ATP13A4: variants seen among roughly 807,000 people sequenced by gnomAD.
ATP13A4 encodes the protein ATPase 13A4, also known as probable cation-transporting ATPase 13A4.
In ATP13A4, 114 loss-of-function variants were observed where a neutral mutation model predicts 142.5. That is an observed-to-expected ratio of 0.80 (90% CI 0.69 to 0.93). The LOEUF is 0.93. ATP13A4 is among the 40% of genes least tolerant of loss of function. The probability of loss-of-function intolerance (pLI) is 0.00; values close to 1 mark genes in which losing one functional copy is unlikely to be tolerated. For synonymous variants in ATP13A4, 488 were observed against 514.8 expected, an observed-to-expected ratio of 0.95 and a Z score of 0.70; for missense variants, 1,392 against 1,454.0, an observed-to-expected ratio of 0.96 and a Z score of 0.69.
At chr3:193,463,247 G>T (rs1308653480) in intron 12 of ATP13A4, among the ~76,000 whole-genome samples, 1 of 151,988 alleles carries the variant, frequency 6.6e-6, no homozygotes, top group Non-Finnish European at 1.5e-5. Flanking sequence ...CAACTTCAGA[G>T]GATTGTTTTG....
intron 23 of ATP13A4, among the ~76,000 whole-genome samples, chr3:193,437,402 C>A (rs1716350292): frequency 6.6e-6 from 1 of 152,100 alleles, no homozygotes; most frequent in South Asian, 2.1e-4. Flanking sequence ...TGCCTACTCA[C>A]TAAAGATTTG....
intron 28 of ATP13A4, among the ~76,000 whole-genome samples, chr3:193,407,826 C>T (rs935930142): frequency 7.2e-5 from 11 of 152,204 alleles, no homozygotes; most frequent in Non-Finnish European, 1.5e-4. Flanking sequence ...CCATGTCAAA[C>T]CTTCACAACT....
intron 2 of ATP13A4, among the ~76,000 whole-genome samples, chr3:193,514,324 A>G (rs577080580): frequency 6.6e-6 from 1 of 152,302 alleles, no homozygotes; most frequent in Admixed American, 6.5e-5. Context: ...TATAAGTGAC[A>G]ACATGCGGTA....
chr3:193,471,153 G>GA lies in ATP13A4; in HGVS notation c.809-161dup, dbSNP rs1310030148. Among the ~76,000 whole-genome samples, 6 of 151,486 alleles carry GA rather than the reference G, an allele frequency of 4.0e-5. No individual in the cohort carries two copies. The South Asian group carries it at 1.0e-3, about 26-fold the overall frequency. ...TTGATTCAAAATTTGAAAACAAAAA[G>GA]AAAAAAATGTAACAAATTAGACTAC... On this transcript the variant is annotated intron_variant, in intron 8 of 29. Transcript: ENST00000342695.
intron 8 of ATP13A4, among the ~76,000 whole-genome samples, chr3:193,479,067 T>C (rs1397639881): frequency 1.3e-5 from 2 of 152,040 alleles, no homozygotes; most frequent in Non-Finnish European, 2.9e-5. Flanking sequence ...AAATCCAGCA[T>C]CCCTTTATTA....
intron 1 of ATP13A4, among the ~76,000 whole-genome samples, chr3:193,530,647 G>A (rs1722264242): frequency 6.6e-6 from 1 of 152,130 alleles, no homozygotes; most frequent in Non-Finnish European, 1.5e-5. Context: ...TCTCTCTGAG[G>A]TTGTCCACAC....
At chr3:193,458,942 A>T in intron 14 of ATP13A4, 139 bp downstream of exon 14, 3 of 1,115,358 alleles carry the variant, frequency 2.7e-6, no homozygotes, top group Non-Finnish European at 4.1e-6. Flanking sequence ...AACCAGCCTT[A>T]GATTGGTTTG....
chr3:193,407,453 C>T (rs1714555827), intron 28 of ATP13A4, 60 bp from the exon 29 acceptor site: 1 of 1,270,596 alleles, frequency 7.9e-7, no homozygotes, highest in Non-Finnish European at 1.1e-6. Context: ...GAAACATGCT[C>T]ACATGTTCAC....
chr3:193,466,089 A>T lies in ATP13A4; in HGVS notation c.1208T>A (p.Leu403Gln). The T allele has an allele frequency of 6.2e-7, 1 of 1,614,184 alleles. No homozygotes were observed. Among genetic ancestry groups the T allele is most frequent in the East Asian group, 2.2e-5 (1 of 44,880 alleles). The change falls in exon 11 of 30, where the codon CTG becomes CAG. Residue 403 changes from leucine (L) to glutamine (Q), a missense_variant. By Grantham distance (113) the Leu-to-Gln change is moderately radical (BLOSUM62 -2). Coordinates refer to ENST00000342695, the MANE Select transcript of ATP13A4 (RefSeq NM_032279.4). ...AATGGTGGCTGTTCCTACAAGGCAC[A>T]GGAGGAACCTGATGGCATCCCTGTA... The part of the protein sequence containing the change: ...QLYRDAIRFL[L>Q]CLVGTATIGM...
chr3:193,549,558 G>C (rs925421203), intron 1 of ATP13A4, among the ~76,000 whole-genome samples: 4 of 152,072 alleles, frequency 2.6e-5, no homozygotes, highest in African/African-American at 9.7e-5. Flanking sequence ...GGCCAGGTGT[G>C]GATGCTCACG....
intron 1 of ATP13A4, among the ~76,000 whole-genome samples, chr3:193,536,357 C>T (rs1444994445): frequency 6.6e-6 from 1 of 151,982 alleles, no homozygotes; most frequent in Non-Finnish European, 1.5e-5. Context: ...AATTAATCAT[C>T]ATTGATTTAG....
chr3:193,512,282 A>G (rs1721181694), intron 2 of ATP13A4, among the ~76,000 whole-genome samples: 1 of 152,178 alleles, frequency 6.6e-6, no homozygotes, highest in Non-Finnish European at 1.5e-5. Flanking sequence ...AAAAGGGCCC[A>G]AAGATGGAGT....
At position 193,582,735 on chromosome 3, in the gene ATP13A4, T is replaced by C. The variant is rs1373246986; in HGVS notation, n.92-829A>G. On this transcript the variant is annotated intron_variant and non_coding_transcript_variant, in intron 1 of 3. Coordinates refer to the ATP13A4 transcript ENST00000489140. ...ATATGTATATTACATATATAAAATA[T>C]ATATGTATAATACATATATAAAATA... 3.2e-5 allele frequency among the ~76,000 whole-genome samples: 2 copies of C among 61,578 alleles called. 1 individual carries two copies. Among genetic ancestry groups the C allele is most frequent in the Admixed American group, 4.1e-4 (2 of 4,892 alleles). 40.4% of individuals were successfully genotyped at this position (61,578 alleles called of 152,430 possible).
At chr3:193,558,568 T>C (rs189393389), upstream of ATP13A4, among the ~76,000 whole-genome samples, 3 of 152,276 alleles carry the variant, frequency 2.0e-5, no homozygotes, top group Admixed American at 2.0e-4. Context: ...CCACATAATA[T>C]GCTAATTACA....
rs75111008 is a variant in ATP13A4, at chr3:193,399,999, A to G, written c.*2653T>C. On this transcript the variant is annotated 3_prime_UTR_variant, in exon 30 of 30. Coordinates refer to ENST00000342695, the MANE Select transcript of ATP13A4 (RefSeq NM_032279.4). ...CCTTGAATAGCCACTTGTTCCTCCA[A>G]TGTCCTAGAGTACATTCCACTGCTA... 8.1e-4 allele frequency among the ~76,000 whole-genome samples: 123 copies of G among 152,276 alleles called. No individual in the cohort carries two copies. Among genetic ancestry groups the G allele is most frequent in the African/African-American group, 2.6e-3 (106 of 41,556 alleles).
At chr3:193,433,095 T>G (rs1716068711) in intron 25 of ATP13A4, among the ~76,000 whole-genome samples, 1 of 152,222 alleles carries the variant, frequency 6.6e-6, no homozygotes, top group Non-Finnish European at 1.5e-5. Context: ...AACATGAATG[T>G]TGGTTGAGAT....
At chr3:193,524,577 C>T (rs1469975321) in intron 1 of ATP13A4, among the ~76,000 whole-genome samples, 1 of 152,144 alleles carries the variant, frequency 6.6e-6, no homozygotes, top group East Asian at 1.9e-4. Context: ...CTATTTACTG[C>T]TCAGTGTAAA....
chr3:193,567,611 C>T (rs1234038723), intron 2 of ATP13A4, among the ~76,000 whole-genome samples: 1 of 152,064 alleles, frequency 6.6e-6, no homozygotes, highest in Non-Finnish European at 1.5e-5. Flanking sequence ...AATAAAGCAA[C>T]CTATGGTCAC....
chr3:193,478,078 T>G (rs533325916), intron 8 of ATP13A4, among the ~76,000 whole-genome samples: 64 of 152,016 alleles, frequency 4.2e-4, no homozygotes, highest in African/African-American at 1.5e-3. Flanking sequence ...AAGATTGAAA[T>G]ATGTTACTAA....
Sources: gnomAD v4.1 joint callset for allele counts (sites outside exome capture counted in the v4.1 genomes callset) on GRCh38, gnomAD v4.1.1 for gene constraint, MANE v1.5 for transcripts, NCBI Gene and HGNC (gene_info 2026-07-23, HGNC 2026-07-21) for gene names.